The following SAMD11 variants were observed in gnomAD, a reference collection of about 807,000 sequenced individuals.
SAMD11 encodes sterile alpha motif domain containing 11.
Under a neutral mutation model 64.4 loss-of-function variants are expected in SAMD11, and 77 were observed. The ratio of observed to expected loss-of-function variants is 1.20; its 90% CI spans 0.99 to 1.44. The LOEUF (loss-of-function observed/expected upper bound fraction) is 1.44, where lower values mean the gene tolerates loss of function less well. Among genes scored for constraint, SAMD11 ranks in the 40% most tolerant of loss-of-function variants. The pLI is 0.00. For missense variants in SAMD11, 1,402 were observed against 943.3 expected (o/e 1.49, Z -6.37); for synonymous variants, 658 against 421.9 (o/e 1.56, Z -6.86).
chr1:942,763 G>A lies in SAMD11; in HGVS notation c.1758G>A (p.Pro586=), dbSNP rs965620869. The A allele has an allele frequency of 4.6e-6, 7 of 1,527,672 alleles. 1 individual carries two copies. The highest frequency in any genetic ancestry group is 4.1e-5 in the Admixed American group (2 of 48,638). 94.6% of individuals were successfully genotyped at this position (1,527,672 alleles called of 1,614,324 possible). The stretch of plus-strand genomic sequence containing the variant: ...CCCCGGGCTCCGGACCCCCCACCCC[G>A]TCCCGGGACTCTGCCCGGCGAGCCC... ...QGPPGSGPPT[P]SRDSARRAPR... is the part of the protein sequence containing the mutation. Residue 586 remains proline, a synonymous_variant, in exon 11 of 14, where the codon CCG becomes CCA. Coordinates refer to ENST00000616016, the MANE Select transcript of SAMD11 (RefSeq NM_001385641.1).
chr1:930,118 C>T (rs1641100846), intron 2 of SAMD11, 37 bp from the exon 3 acceptor site: 4 of 1,538,740 alleles, frequency 2.6e-6, no homozygotes, highest in East Asian at 2.4e-5. Flanking sequence ...ACCTTCCTCT[C>T]CTCCTGCCCC....
chr1:926,085 TTTTCAGGATCGAGAGTCCTAA>T, intron 2 of SAMD11, 72 bp downstream of exon 2: 1 of 1,467,450 alleles, frequency 6.8e-7, no homozygotes, highest in Non-Finnish European at 9.4e-7. Context: ...GTTTTCAGGG[TTTTCAGGATCGAGAGTCCTAA>T]CCTCACCCCT....
chr1:936,594 G>A (rs1375771841), intron 5 of SAMD11, among the ~76,000 whole-genome samples: 3 of 152,146 alleles, frequency 2.0e-5, no homozygotes, highest in Non-Finnish European at 4.4e-5. Context: ...CAGCCCCAGG[G>A]CAGGCCGTGA....
intron 4 of SAMD11, 110 bp from the exon 5 acceptor site, chr1:935,662 C>T: frequency 6.9e-7 from 1 of 1,459,828 alleles, no homozygotes; most frequent in Middle Eastern, 1.8e-4. Flanking sequence ...ACGTGGCACT[C>T]AGAGGTCATC....
chr1:938,235 G>A (rs1364390253), intron 5 of SAMD11, among the ~76,000 whole-genome samples: 1 of 151,096 alleles, frequency 6.6e-6, no homozygotes, highest in Non-Finnish European at 1.5e-5. Flanking sequence ...CCTGGCCTGG[G>A]CCTCCCCTCT....
At chr1:927,532 C>T (rs1450408011) in intron 2 of SAMD11, among the ~76,000 whole-genome samples, 1 of 152,194 alleles carries the variant, frequency 6.6e-6, no homozygotes, top group Non-Finnish European at 1.5e-5. Flanking sequence ...CAGGCCTGTC[C>T]CACACCCTTC....
At chr1:930,427 C>T in intron 3 of SAMD11, 91 bp downstream of exon 3, 2 of 1,340,626 alleles carry the variant, frequency 1.5e-6, no homozygotes, top group Non-Finnish European at 2.0e-6. Context: ...GTGTCCACAC[C>T]GGCCTCCCAC....
At chr1:939,592 C>T (rs1000610952) in intron 7 of SAMD11, 180 bp downstream of exon 7, 67 of 693,242 alleles carry the variant, frequency 9.7e-5, no homozygotes, top group Middle Eastern at 4.3e-4. Context: ...ACGTCCTGCC[C>T]CATGCCCCCT....
chr1:943,635 C>G, intron 12 of SAMD11, 63 bp from the exon 13 acceptor site: 1 of 1,445,958 alleles, frequency 6.9e-7, no homozygotes, highest in South Asian at 1.5e-5. Context: ...CTCCTCTTGG[C>G]TCTGCTGGGC....
chr1:931,139 T>TGGCCCCCCCCC, intron 4 of SAMD11, 50 bp downstream of exon 4: 1 of 1,151,384 alleles, frequency 8.7e-7, no homozygotes, highest in Non-Finnish European at 1.2e-6. Context: ...CTCCCCTCCC[T>TGGCCCCCCCCC]CCCTCCCACC....
rs770756813 is a variant in SAMD11 at position 939,379 on chromosome 1, C to T, written c.1162C>T (p.Gln388Ter). 1.3e-5 allele frequency: 21 copies of T among 1,603,520 alleles called. No individual in the cohort carries two copies. Among genetic ancestry groups the T allele is most frequent in the Non-Finnish European group, 1.7e-5 (20 of 1,179,000 alleles). Residue 388 changes from glutamine (Q) to a stop codon, truncating the protein, a stop_gained, in exon 7 of 14, where the codon CAG (glutamine) becomes TAG (stop). Transcript: ENST00000616016. LOFTEE classifies it high-confidence loss of function. ...LSEASTFEDP[Q>*]RLYHLGLPSH... ...CGAGGCCAGCACCTTTGAGGACCCT[C>T]AGCGCCTCTACCACCTGGGCCTCCC...
Position 944,225 on chromosome 1 carries a change from C to G in SAMD11, c.*72C>G. On this transcript the variant is annotated 3_prime_UTR_variant, in exon 14 of 14. Transcript: ENST00000616016. ...CACTCAACACAATGGCCCTGCCTCC[C>G]ACCGCTTTATTTCTTTCGGTTTCGG... 6.8e-7 allele frequency: 1 copy of G among 1,468,030 alleles called. No homozygotes were observed. The highest frequency in any genetic ancestry group is 9.0e-7 in the Non-Finnish European group (1 of 1,110,860). The allele number at this position is 1,468,030 out of a possible 1,614,324, so 90.9% of individuals were successfully genotyped here.
At position 943,742 on chromosome 1, in the gene SAMD11, G is replaced by C; in HGVS notation, c.2223G>C (p.Leu741=). ...TCGACGGGGAGACCCTGCCACTGCTGACGGAGGAGCACCTGCTGACCAACA... is the reference window on the plus strand; with the variant it reads ...TCGACGGGGAGACCCTGCCACTGCTCACGGAGGAGCACCTGCTGACCAACA... The part of the protein sequence containing the change: ...QGIDGETLPL[L]TEEHLLTNMG... The change falls in exon 13 of 14, where the codon CTG becomes CTC. Residue 741 remains leucine, a synonymous_variant. Transcript: ENST00000616016. 1 of 1,608,522 alleles carries C rather than the reference G, an allele frequency of 6.2e-7. No individual in the cohort carries two copies. The highest frequency in any genetic ancestry group is 8.5e-7 in the Non-Finnish European group (1 of 1,177,450).
At chr1:925,562 C>G (rs906961455) in intron 1 of SAMD11, among the ~76,000 whole-genome samples, 6 of 152,106 alleles carry the variant, frequency 3.9e-5, no homozygotes, top group African/African-American at 1.4e-4. Flanking sequence ...TCCTGCCGCG[C>G]AGGCCGAGGG....
At chr1:941,370 G>C in intron 8 of SAMD11, 64 bp downstream of exon 8, 1 of 1,420,128 alleles carries the variant, frequency 7.0e-7, no homozygotes. Context: ...CGCGCTCTCA[G>C]CCACCAGCAC....
At chr1:938,396 A>C (rs1017198918) in intron 5 of SAMD11, among the ~76,000 whole-genome samples, 1 of 151,632 alleles carries the variant, frequency 6.6e-6, no homozygotes, top group Non-Finnish European at 1.5e-5. Context: ...CCAGAAGCCC[A>C]GAGCCTGGCT....
rs1557608225 is a variant in SAMD11 at position 940,308 on chromosome 1, C to CCA, written c.1196-836_1196-835insCA. 8.9e-4 allele frequency: 121 copies of CCA among 136,412 alleles called. 1 individual carries two copies. Among genetic ancestry groups the CCA allele is most frequent in the African/African-American group, 2.7e-3 (105 of 38,248 alleles). The allele number at this position is 136,412 out of a possible 1,614,324, so 8.5% of individuals were successfully genotyped here. On this transcript the variant is annotated intron_variant, in intron 7 of 13. Transcript: ENST00000616016. ...AGGCCGCGCCGCCGCCCCCCCCCCC[C>CCA]GCCCCGCCGCGGAGCCGGCCGTAAA... is the stretch of plus-strand genomic sequence containing the variant.
At chr1:938,939 C>A in intron 5 of SAMD11, 101 bp from the exon 6 acceptor site, 4 of 1,044,570 alleles carry the variant, frequency 3.8e-6, no homozygotes, top group Non-Finnish European at 5.8e-6. Context: ...ACCAAGGGCC[C>A]CCTGAGAGAT....
intron 5 of SAMD11, among the ~76,000 whole-genome samples, chr1:936,570 G>C (rs529492216): frequency 6.6e-6 from 1 of 152,138 alleles, no homozygotes; most frequent in South Asian, 2.1e-4. Flanking sequence ...GTAGAGAGGG[G>C]CACAGCAGAG....
Sources: gnomAD v4.1 joint callset for allele counts (sites outside exome capture counted in the v4.1 genomes callset) on GRCh38, gnomAD v4.1.1 for gene constraint, MANE v1.5 for transcripts, NCBI Gene and HGNC (gene_info 2026-07-23, HGNC 2026-07-21) for gene names.